The following TP63 variants were observed in gnomAD, a reference collection of about 807,000 sequenced individuals.
TP63 encodes tumor protein p63, also known as tumor protein 63.
Under a neutral mutation model 82.8 loss-of-function variants are expected in TP63, and 17 were observed. The observed-to-expected ratio is 0.21, with a 90% CI of 0.14 to 0.31. The LOEUF (loss-of-function observed/expected upper bound fraction) is 0.31. Ranked by LOEUF, TP63 falls within the 10% of genes least tolerant of loss-of-function variation. TP63 has a pLI of 1.00. For missense variants in TP63, 648 were observed against 895.3 expected (o/e 0.72, Z 3.52); for synonymous variants, 330 against 321.7 (o/e 1.03, Z -0.28).
chr3:189,763,979 A>G (rs796509044), intron 3 of TP63, among the ~76,000 whole-genome samples: 3 of 152,292 alleles, frequency 2.0e-5, no homozygotes, highest in African/African-American at 7.2e-5. Context: ...AAAGAAAAAT[A>G]GGAATACTCT....
At chr3:189,620,251 G>A in the TP63 span, among the ~76,000 whole-genome samples, 3 of 151,886 alleles carry the variant, frequency 2.0e-5, no homozygotes, top group Non-Finnish European at 4.4e-5. Flanking sequence ...TGTGCCGGGC[G>A]TGGTGGCTCA....
intron 1 of TP63, among the ~76,000 whole-genome samples, chr3:189,669,034 T>A (rs1249687255): frequency 6.7e-6 from 1 of 150,190 alleles, no homozygotes; most frequent in Non-Finnish European, 1.5e-5. Flanking sequence ...AAAAAAAACC[T>A]TAAAATCCAC....
At chr3:189,669,908 A>T (rs78880854) in intron 1 of TP63, among the ~76,000 whole-genome samples, 10,861 of 152,126 alleles carry the variant, frequency 0.071, 480 homozygotes, top group Middle Eastern at 0.19. Flanking sequence ...GCAAAATGGT[A>T]GGTTTAAACA....
chr3:189,817,663 A>G (rs1308022099), intron 4 of TP63, among the ~76,000 whole-genome samples: 1 of 152,100 alleles, frequency 6.6e-6, no homozygotes, highest in Non-Finnish European at 1.5e-5. Context: ...TTTTATTTCT[A>G]CAAAGACATG....
At chr3:189,822,390 G>A (rs1039892670) in intron 4 of TP63, among the ~76,000 whole-genome samples, 1 of 152,058 alleles carries the variant, frequency 6.6e-6, no homozygotes, top group Admixed American at 6.5e-5. Context: ...GAAAATGAAT[G>A]GCTAGATTAG....
At chr3:189,746,741 C>CATA (rs1408459711) in intron 3 of TP63, among the ~76,000 whole-genome samples, 4 of 151,110 alleles carry the variant, frequency 2.6e-5, no homozygotes, top group Non-Finnish European at 5.9e-5. Context: ...ACTCAAAAGA[C>CATA]ATAGACTGAA....
At chr3:189,761,711 T>C (rs1460618961) in intron 3 of TP63, among the ~76,000 whole-genome samples, 1 of 152,182 alleles carries the variant, frequency 6.6e-6, no homozygotes, top group Admixed American at 6.5e-5. Context: ...CTGGTACTAA[T>C]TTACTGTATT....
chr3:189,648,609 C>T (rs1712620368), intron 1 of TP63, among the ~76,000 whole-genome samples: 1 of 147,356 alleles, frequency 6.8e-6, no homozygotes, highest in South Asian at 2.2e-4. Flanking sequence ...AAACTTTTCT[C>T]TCTCATTAGG....
At chr3:189,851,695 C>G (rs1014200573) in intron 4 of TP63, among the ~76,000 whole-genome samples, 6 of 152,122 alleles carry the variant, frequency 3.9e-5, no homozygotes, top group African/African-American at 1.4e-4. Context: ...AGCTTGGTGC[C>G]TCATCTACCT....
intron 13 of TP63, among the ~76,000 whole-genome samples, chr3:189,892,838 C>T (rs537705307): frequency 3.9e-4 from 59 of 152,252 alleles, no homozygotes; most frequent in African/African-American, 1.3e-3. Flanking sequence ...GGATTACCTT[C>T]TTTATAAGGT....
chr3:189,760,548 C>T (rs1577363482), intron 3 of TP63, among the ~76,000 whole-genome samples: 1 of 152,232 alleles, frequency 6.6e-6, no homozygotes, highest in East Asian at 1.9e-4. Context: ...CCTTGGGCAG[C>T]TCTGCCTCTG....
chr3:189,687,620 A>T (rs1338006467), intron 1 of TP63, among the ~76,000 whole-genome samples: 1 of 152,210 alleles, frequency 6.6e-6, no homozygotes, highest in East Asian at 1.9e-4. Flanking sequence ...TAGGTTACTT[A>T]AAGAATAGCA....
Position 189,740,210 on chromosome 3 carries a change from AG to A in TP63, c.324+1440del, listed in dbSNP as rs1427370758. ...GAAATGAAACTATCAAATAATTCCA[AG>A]GGGCAGGTCATTCAAGGCCTTGGAC... is the stretch of plus-strand genomic sequence containing the variant. On this transcript the variant is annotated intron_variant, in intron 3 of 13. Transcript: ENST00000264731. Among the ~76,000 whole-genome samples the A allele has an allele frequency of 5.3e-5, 8 of 152,334 alleles. No homozygotes were observed. In the East Asian group the frequency reaches 1.4e-3, roughly 26 times the overall value.
intron 1 of TP63, among the ~76,000 whole-genome samples, chr3:189,672,714 AAGGC>A (rs879629061): frequency 2.8e-5 from 4 of 144,270 alleles, no homozygotes; most frequent in Admixed American, 6.9e-5. Flanking sequence ...GGAAAGAAGG[AAGGC>A]AGGCAGGCAG....
chr3:189,681,523 C>T (rs1374923484), intron 1 of TP63, among the ~76,000 whole-genome samples: 1 of 152,174 alleles, frequency 6.6e-6, no homozygotes, highest in African/African-American at 2.4e-5. Flanking sequence ...TTAAATCCAA[C>T]TAGCTAAAAG....
rs573644380 is a variant in TP63, at chr3:189,816,361, T to G, written c.579+7835T>G. On this transcript the variant is annotated intron_variant, in intron 4 of 13. Coordinates refer to ENST00000264731, the MANE Select transcript of TP63 (RefSeq NM_003722.5). ...TGTGGGATTGTCGCTCTTGGTACAT[T>G]TCCATACATGAGCTTTGCACATTCT... is the stretch of plus-strand genomic sequence containing the variant. 2.1e-3 allele frequency among the ~76,000 whole-genome samples: 322 copies of G among 152,298 alleles called. 2 individuals carry two copies. The highest frequency in any genetic ancestry group is 3.4e-3 in the Admixed American group (52 of 15,296).
intron 3 of TP63, among the ~76,000 whole-genome samples, chr3:189,772,459 A>G (rs931461093): frequency 6.6e-6 from 1 of 152,184 alleles, no homozygotes; most frequent in Admixed American, 6.5e-5. Flanking sequence ...CTAGCTCTGT[A>G]TTTCACCAAT....
At chr3:189,803,754 C>A (rs1726573608) in intron 3 of TP63, among the ~76,000 whole-genome samples, 1 of 152,114 alleles carries the variant, frequency 6.6e-6, no homozygotes, top group African/African-American at 2.4e-5. Flanking sequence ...AACAGTGATT[C>A]TTCTATTTCA....
intron 3 of TP63, among the ~76,000 whole-genome samples, chr3:189,748,508 C>CAAAAAAAAAAAAAAAAAA (rs58926854): frequency 5.1e-4 from 16 of 31,252 alleles, no homozygotes; most frequent in East Asian, 1.4e-3. Flanking sequence ...AGGAAAACTA[C>CAAAAAAAAAAAAAAAAAA]AAAAAAAAAA....
Sources: gnomAD v4.1 joint callset for allele counts (sites outside exome capture counted in the v4.1 genomes callset) on GRCh38, gnomAD v4.1.1 for gene constraint, MANE v1.5 for transcripts, NCBI Gene and HGNC (gene_info 2026-07-23, HGNC 2026-07-21) for gene names.